Variants in KAZN observed in about 807,000 individuals in gnomAD.
The protein encoded by KAZN is kazrin, periplakin interacting protein.
A neutral mutation model predicts 87.4 loss-of-function variants in KAZN; 40 were observed. That is an observed-to-expected ratio of 0.46 (90% CI 0.36 to 0.60). The LOEUF (loss-of-function observed/expected upper bound fraction) is 0.60. Among genes scored for constraint, KAZN ranks in the 20% least tolerant of loss-of-function variants. The pLI is 0.00. For synonymous variants in KAZN, 466 were observed against 458.3 expected (o/e 1.02, Z -0.22); for missense variants, 898 against 1,073.9 (o/e 0.84, Z 2.29).
intron 1 of KAZN, among the ~76,000 whole-genome samples, chr1:14,715,948 G>A (rs10927515): frequency 0.38 from 58,419 of 152,014 alleles, 11,674 homozygotes; most frequent in East Asian, 0.57. Context: ...AAGGATGGGG[G>A]TGAAAGCGGT....
intron 1 of KAZN, among the ~76,000 whole-genome samples, chr1:14,813,171 A>G (rs1407339952): frequency 6.6e-6 from 1 of 152,202 alleles, no homozygotes; most frequent in African/African-American, 2.4e-5. Context: ...ATTCATGGGT[A>G]TGGTGGATTA....
intron 2 of KAZN, among the ~76,000 whole-genome samples, chr1:14,264,245 G>A (rs555982656): frequency 4.7e-4 from 71 of 152,168 alleles, no homozygotes; most frequent in African/African-American, 1.3e-3. Context: ...TCAGTTCCTC[G>A]CAATTGTAGG....
chr1:14,359,773 T>C (rs563236189), intron 2 of KAZN, among the ~76,000 whole-genome samples: 21 of 152,370 alleles, frequency 1.4e-4, no homozygotes, highest in East Asian at 5.8e-4. Context: ...CCTCACTCTC[T>C]TCTGGCTTGT....
chr1:14,580,345 C>T lies in KAZN; in HGVS notation c.250-18638C>T, dbSNP rs149603169. Among the ~76,000 whole-genome samples, 65 of 152,096 alleles carry T rather than the reference C, an allele frequency of 4.3e-4. 3 individuals are homozygous for T. The highest frequency in any genetic ancestry group is 1.0e-3 in the African/African-American group (42 of 41,482). On this transcript the variant is annotated intron_variant, in intron 2 of 16. Coordinates refer to the KAZN transcript ENST00000636203. ...ACAAAATTAGCCGAGCGTGGTGTCGCGTGCCTGTAATCCCAGCTACTCGGA... is the reference window on the plus strand; with the variant it reads ...ACAAAATTAGCCGAGCGTGGTGTCGTGTGCCTGTAATCCCAGCTACTCGGA...
At chr1:14,745,400 C>T (rs1182020664) in intron 1 of KAZN, among the ~76,000 whole-genome samples, 1 of 152,066 alleles carries the variant, frequency 6.6e-6, no homozygotes, top group Non-Finnish European at 1.5e-5. Context: ...CTGGCACAAT[C>T]GTGGGCCTTT....
intron 2 of KAZN, among the ~76,000 whole-genome samples, chr1:14,199,438 C>T (rs1412189841): frequency 1.3e-5 from 2 of 152,176 alleles, no homozygotes; most frequent in East Asian, 1.9e-4. Context: ...CCCTTCCTGA[C>T]TACACTATTG....
chr1:14,163,178 A>T (rs889356731), intron 1 of KAZN, among the ~76,000 whole-genome samples: 1 of 152,152 alleles, frequency 6.6e-6, no homozygotes, highest in African/African-American at 2.4e-5. Context: ...CATAAGGCAG[A>T]GTGAGAGATC....
chr1:15,111,567 C>A (rs1056296064), intron 13 of KAZN, among the ~76,000 whole-genome samples: 4 of 152,224 alleles, frequency 2.6e-5, no homozygotes, highest in Non-Finnish European at 4.4e-5. Context: ...CATGAGCCAC[C>A]ATGCCCGGCC....
intron 1 of KAZN, among the ~76,000 whole-genome samples, chr1:13,981,449 A>G (rs942704421): frequency 6.6e-6 from 1 of 151,104 alleles, no homozygotes; most frequent in African/African-American, 2.4e-5. Context: ...CAAAGCAGTC[A>G]TAACCCTGCC....
At chr1:14,014,319 T>C (rs373231054) in intron 1 of KAZN, among the ~76,000 whole-genome samples, 1 of 151,886 alleles carries the variant, frequency 6.6e-6, no homozygotes, top group Non-Finnish European at 1.5e-5. Flanking sequence ...GCTTGGGCAA[T>C]GACATGGAAA....
intron 1 of KAZN, among the ~76,000 whole-genome samples, chr1:14,932,257 C>T (rs1479164674): frequency 1.3e-5 from 2 of 152,176 alleles, no homozygotes; most frequent in Admixed American, 6.5e-5. Context: ...CTCCCCGCCC[C>T]GTCCCCTGCC....
At chr1:15,065,524 A>G in intron 7 of KAZN, 106 bp from the exon 8 acceptor site, 1 of 980,780 alleles carries the variant, frequency 1.0e-6, no homozygotes. Context: ...TAAAGCTCAG[A>G]GAGGCCTTCC....
chr1:15,073,423 A>G (rs1377849739), intron 8 of KAZN, among the ~76,000 whole-genome samples: 1 of 152,208 alleles, frequency 6.6e-6, no homozygotes, highest in African/African-American at 2.4e-5. Flanking sequence ...GTTGGAGGGC[A>G]GACTCGCCAG....
rs1163837822 is a variant in KAZN at position 14,943,027 on chromosome 1, T to G, written c.227-17657T>G. Among the ~76,000 whole-genome samples, 678 of 136,930 alleles carry G rather than the reference T, an allele frequency of 5.0e-3. 45 individuals are homozygous for G. Among genetic ancestry groups the G allele is most frequent in the African/African-American group, 0.02 (598 of 29,874 alleles). 89.8% of individuals were successfully genotyped at this position (136,930 alleles called of 152,430 possible). Reference sequence around the variant, plus strand: ...TGTGTGGTGTGTGTGTGTGTGTGTGTGTGTGTGTGTGTGTGTGTGTGTGTT... The same window carrying G: ...TGTGTGGTGTGTGTGTGTGTGTGTGGGTGTGTGTGTGTGTGTGTGTGTGTT... On this transcript the variant is annotated intron_variant, in intron 1 of 14. Transcript: ENST00000376030.
intron 2 of KAZN, among the ~76,000 whole-genome samples, chr1:14,389,501 A>G (rs1344286084): frequency 1.3e-5 from 2 of 152,234 alleles, no homozygotes; most frequent in Non-Finnish European, 2.9e-5. Context: ...CACATACACA[A>G]TGGAGTACTA....
chr1:14,009,027 C>G (rs1218428341), intron 1 of KAZN, among the ~76,000 whole-genome samples: 1 of 152,250 alleles, frequency 6.6e-6, no homozygotes, highest in East Asian at 1.9e-4. Context: ...ATTTTGGCTA[C>G]TCTGAGATTT....
chr1:14,074,106 A>G (rs953591040), intron 1 of KAZN, among the ~76,000 whole-genome samples: 4 of 152,168 alleles, frequency 2.6e-5, no homozygotes, highest in African/African-American at 9.7e-5. Context: ...AGGCCCACAC[A>G]CTATATGTCT....
chr1:14,414,441 C>A (rs1242262544), intron 2 of KAZN, among the ~76,000 whole-genome samples: 1 of 151,516 alleles, frequency 6.6e-6, no homozygotes, highest in African/African-American at 2.4e-5. Context: ...GTAGTGTACT[C>A]ACATAATGTC....
At chr1:14,999,296 A>G (rs1668212462) in intron 2 of KAZN, among the ~76,000 whole-genome samples, 1 of 152,216 alleles carries the variant, frequency 6.6e-6, no homozygotes, top group Non-Finnish European at 1.5e-5. Flanking sequence ...GTGTGACTTT[A>G]GCCCAGTGAT....
Sources: allele counts gnomAD v4.1 joint callset (sites outside exome capture counted in the v4.1 genomes callset), GRCh38; gene constraint gnomAD v4.1.1; transcripts MANE v1.5; gene names NCBI Gene and HGNC (gene_info 2026-07-23, HGNC 2026-07-21).